Variants in SLC39A8 observed in about 807,000 individuals in gnomAD.
The protein encoded by SLC39A8 is solute carrier family 39 member 8.
SLC39A8 carries 15 observed loss-of-function variants against 40.4 expected under a neutral mutation model. The observed-to-expected ratio is 0.37, with a 90% CI of 0.25 to 0.57. The LOEUF is 0.57. Ranked by LOEUF, SLC39A8 falls within the 20% of genes least tolerant of loss-of-function variation. The pLI, the probability that SLC39A8 is intolerant of heterozygous loss-of-function variation, is 0.75. For synonymous variants in SLC39A8, 223 were observed against 221.6 expected (o/e 1.01, Z -0.06); for missense variants, 472 against 558.8 (o/e 0.84, Z 1.57).
chr4:102,328,343 T>G (rs1001966619), intron 2 of SLC39A8, among the ~76,000 whole-genome samples: 1 of 152,190 alleles, frequency 6.6e-6, no homozygotes, highest in African/African-American at 2.4e-5. Context: ...CTCTCTGTTT[T>G]TTTTTTTTTA....
chr4:102,299,049 A>G (rs57965291), intron 6 of SLC39A8, among the ~76,000 whole-genome samples: 12,559 of 152,054 alleles, frequency 0.083, 634 homozygotes, highest in South Asian at 0.13. Flanking sequence ...CTCAATTCAA[A>G]GACACAAAGC....
chr4:102,253,636 T>A (rs995636306), intron 11 of SLC39A8, among the ~76,000 whole-genome samples: 11 of 152,134 alleles, frequency 7.2e-5, no homozygotes, highest in African/African-American at 2.2e-4. Context: ...CACCAAGACT[T>A]CTTCTAATTT....
At chr4:102,294,963 C>G (rs1186466867) in intron 6 of SLC39A8, among the ~76,000 whole-genome samples, 1 of 151,558 alleles carries the variant, frequency 6.6e-6, no homozygotes, top group Admixed American at 6.6e-5. Flanking sequence ...AAAGAGAAAA[C>G]AGGAATTATT....
chr4:102,308,550 C>T (rs990941168), intron 3 of SLC39A8, among the ~76,000 whole-genome samples: 1 of 151,966 alleles, frequency 6.6e-6, no homozygotes, highest in Non-Finnish European at 1.5e-5. Context: ...TGAAACATAC[C>T]CAGGACAGTC....
chr4:102,306,428 A>T (rs1367936076), intron 4 of SLC39A8, among the ~76,000 whole-genome samples: 6 of 151,976 alleles, frequency 3.9e-5, no homozygotes, highest in Non-Finnish European at 5.9e-5. Flanking sequence ...TATCTCTACA[A>T]TTGAGGCTGT....
intron 2 of SLC39A8, among the ~76,000 whole-genome samples, chr4:102,321,508 T>C (rs1178922342): frequency 1.3e-5 from 2 of 152,234 alleles, no homozygotes; most frequent in South Asian, 2.1e-4. Flanking sequence ...CCGCTAGCTT[T>C]GCTGAGAGGT....
chr4:102,258,095 G>GTGTTTTT (rs942775739), downstream of SLC39A8, among the ~76,000 whole-genome samples: 1 of 145,622 alleles, frequency 6.9e-6, no homozygotes. Flanking sequence ...TTGTAAGTAA[G>GTGTTTTT]TGTTTTTTGT....
chr4:102,266,124 A>AT (rs1464843833), intron 8 of SLC39A8, among the ~76,000 whole-genome samples: 2 of 151,802 alleles, frequency 1.3e-5, no homozygotes, highest in Non-Finnish European at 2.9e-5. Context: ...CATCTGTGTG[A>AT]TTTTTTGTTG....
At chr4:102,289,276 G>A (rs1733316963) in intron 6 of SLC39A8, among the ~76,000 whole-genome samples, 1 of 152,056 alleles carries the variant, frequency 6.6e-6, no homozygotes, top group South Asian at 2.1e-4. Context: ...GTCCACTGTT[G>A]GGACCTACAG....
chr4:102,272,884 C>T (rs1159991222), intron 6 of SLC39A8, among the ~76,000 whole-genome samples: 1 of 152,070 alleles, frequency 6.6e-6, no homozygotes, highest in East Asian at 1.9e-4. Context: ...CCATGAGGAG[C>T]CATGCCATGA....
chr4:102,331,510 T>G (rs6814546), intron 2 of SLC39A8, among the ~76,000 whole-genome samples: 2,484 of 152,116 alleles, frequency 0.016, 71 homozygotes, highest in African/African-American at 0.057. Context: ...CTCAACAAAA[T>G]AAGAGAGGAC....
intron 6 of SLC39A8, among the ~76,000 whole-genome samples, chr4:102,299,536 G>A (rs924696059): frequency 6.6e-6 from 1 of 151,950 alleles, no homozygotes; most frequent in Admixed American, 6.6e-5. Context: ...AATGAATTAT[G>A]TGTATTTAAA....
At chr4:102,257,670 C>G (rs1731738433), downstream of SLC39A8, among the ~76,000 whole-genome samples, 1 of 152,174 alleles carries the variant, frequency 6.6e-6, no homozygotes, top group South Asian at 2.1e-4. Flanking sequence ...GATCCCCATC[C>G]TGTACAGTTG....
chr4:102,263,080 G>A lies in SLC39A8; in HGVS notation c.1347C>T (p.Leu449=), dbSNP rs1464550838. 1.2e-6 allele frequency: 2 copies of A among 1,613,444 alleles called. No individual in the cohort carries two copies. Residue 449 remains leucine, a synonymous_variant, in exon 9 of 9, where the codon CTC becomes CTT. Coordinates refer to ENST00000356736, the MANE Select transcript of SLC39A8 (RefSeq NM_001135146.2). ...GMLTGFTAIL[L]ITLYAGEIEL... is the part of the protein sequence containing the mutation. ...CGATTTCTCCTGCATACAAGGTAAT[G>A]AGTAGAATGGCTGTGAATCCAGTTA...
In SLC39A8 at chr4:102,307,597, A is replaced by G; in HGVS notation, c.391T>C (p.Tyr131His). Residue 131 changes from tyrosine to histidine, a missense_variant, in exon 4 of 9, where the codon TAT (tyrosine) becomes CAT (histidine). Physicochemically the swap from Tyr to His is moderately conservative, Grantham distance 83. Around this residue, in one of 4 missense-constraint regions of SLC39A8, gnomAD observed 239 missense variants for 317.9 expected, o/e 0.75. Coordinates refer to ENST00000356736, the MANE Select transcript of SLC39A8 (RefSeq NM_001135146.2). Reference sequence around the variant, plus strand: ...ATAATCGTCACTGACAGGAATCCATATCCCCAAACTGTGGGTCAGAGGGAA... The same window carrying G: ...ATAATCGTCACTGACAGGAATCCATGTCCCCAAACTGTGGGTCAGAGGGAA... ...TRPSHSEVWG[Y>H]GFLSVTIINL... The G allele has an allele frequency of 1.2e-6, 2 of 1,612,748 alleles. No individual in the cohort carries two copies. Among genetic ancestry groups the G allele is most frequent in the South Asian group, 2.2e-5 (2 of 90,882 alleles).
In SLC39A8 at chr4:102,304,967, GTT is replaced by G. The variant is rs764516289; in HGVS notation, c.675+20_675+21del. 2 of 1,577,760 alleles carry G rather than the reference GTT, an allele frequency of 1.3e-6. No homozygotes were observed. The highest frequency in any genetic ancestry group is 4.5e-5 in the East Asian group (2 of 44,176). On this transcript the variant is annotated intron_variant, in intron 5 of 8. Transcript: ENST00000356736. ...AGCTTTAGGGGGTAAAATATTGGAT[GTT>G]TTAAATAAAGTCCATTTACCTGACC...
chr4:102,315,907 C>A, intron 2 of SLC39A8, 77 bp from the exon 3 acceptor site: 1 of 1,228,386 alleles, frequency 8.1e-7, no homozygotes, highest in Non-Finnish European at 1.1e-6. Flanking sequence ...TAAAGAGACA[C>A]AGACTATTTC....
downstream of SLC39A8, among the ~76,000 whole-genome samples, chr4:102,258,965 G>A (rs549127454): frequency 3.9e-5 from 6 of 152,194 alleles, no homozygotes; most frequent in Admixed American, 2.0e-4. Flanking sequence ...GGGAATATTC[G>A]TCTACCTTTT....
At chr4:102,325,523 G>T (rs921271303) in intron 2 of SLC39A8, among the ~76,000 whole-genome samples, 1 of 152,116 alleles carries the variant, frequency 6.6e-6, no homozygotes, top group African/African-American at 2.4e-5. Flanking sequence ...CAATTTAAAG[G>T]ATAAAGATGC....
Sources: allele counts gnomAD v4.1 joint callset (sites outside exome capture counted in the v4.1 genomes callset), GRCh38; gene constraint gnomAD v4.1.1; regional missense constraint gnomAD v4.1.1; transcripts MANE v1.5; gene names NCBI Gene and HGNC (gene_info 2026-07-23, HGNC 2026-07-21).